Variants in CHD7 observed in about 807,000 individuals in gnomAD.
CHD7 encodes the protein ATP-dependent chromatin remodeler CHD7.
In CHD7, 24 loss-of-function variants were observed where a neutral mutation model predicts 307.3. The observed-to-expected ratio is 0.08, with a 90% CI of 0.06 to 0.11. The LOEUF (loss-of-function observed/expected upper bound fraction) is 0.11. CHD7 is among the 10% of genes least tolerant of loss of function. CHD7 has a pLI of 1.00. For missense variants in CHD7, 3,106 were observed against 3,727.1 expected (o/e 0.83, Z 4.34); for synonymous variants, 1,363 against 1,349.9 (o/e 1.01, Z -0.21).
chr8:60,734,971 A>G (rs1808628762), intron 1 of CHD7, among the ~76,000 whole-genome samples: 1 of 152,246 alleles, frequency 6.6e-6, no homozygotes, highest in South Asian at 2.1e-4. Context: ...GTGGTTCACT[A>G]AACCATGAAG....
chr8:60,775,506 A>G (rs1810909130), intron 2 of CHD7, among the ~76,000 whole-genome samples: 1 of 152,238 alleles, frequency 6.6e-6, no homozygotes, highest in Non-Finnish European at 1.5e-5. Flanking sequence ...TTTGAGAAAG[A>G]CAGATGGACA....
intron 2 of CHD7, among the ~76,000 whole-genome samples, chr8:60,751,071 A>C (rs1809618850): frequency 1.3e-5 from 2 of 152,204 alleles, no homozygotes; most frequent in South Asian, 4.1e-4. Context: ...AAGGCTACAT[A>C]AATGGTGTTT....
At chr8:60,810,392 T>A (rs1036371016) in intron 7 of CHD7, among the ~76,000 whole-genome samples, 29 of 151,898 alleles carry the variant, frequency 1.9e-4, no homozygotes, top group Admixed American at 1.9e-3. Context: ...TGTGTGTGTG[T>A]GTGTGTGTGT....
chr8:60,764,212 A>G (rs1810361586), intron 2 of CHD7, among the ~76,000 whole-genome samples: 1 of 152,122 alleles, frequency 6.6e-6, no homozygotes, highest in African/African-American at 2.4e-5. Context: ...GGTGGTCTCA[A>G]TCTCCTGACC....
At position 60,767,416 on chromosome 8, in the gene CHD7, A is replaced by G. The variant is rs767601204; in HGVS notation, c.1666-13584A>G. ...GTTGGTAGGTCACTTTGGAGGAGAT[A>G]GCTATTTAAATTAGTCCTTGAGGCA... is the stretch of plus-strand genomic sequence containing the variant. On this transcript the variant is annotated intron_variant, in intron 2 of 37. Transcript: ENST00000423902. 1.2e-3 allele frequency among the ~76,000 whole-genome samples: 189 copies of G among 152,172 alleles called. 3 individuals carry two copies. Among genetic ancestry groups the G allele is most frequent in the Non-Finnish European group, 1.6e-3 (110 of 68,022 alleles).
intron 21 of CHD7, among the ~76,000 whole-genome samples, chr8:60,842,888 G>A (rs1346361996): frequency 1.3e-5 from 2 of 152,226 alleles, no homozygotes; most frequent in Non-Finnish European, 2.9e-5. Flanking sequence ...TAGGACAGAC[G>A]GCTTCATCTC....
At chr8:60,766,294 G>C (rs184744259) in intron 2 of CHD7, among the ~76,000 whole-genome samples, 33 of 152,342 alleles carry the variant, frequency 2.2e-4, no homozygotes, top group East Asian at 1.5e-3. Flanking sequence ...TGAGAGAAAG[G>C]GGGGGAATTA....
intron 2 of CHD7, among the ~76,000 whole-genome samples, chr8:60,760,789 A>G (rs1162133768): frequency 4.0e-5 from 6 of 151,740 alleles, no homozygotes; most frequent in Admixed American, 6.6e-5. Flanking sequence ...CAAAACCACA[A>G]TGAGATACCA....
At chr8:60,724,616 T>C (rs1318045962) in intron 1 of CHD7, among the ~76,000 whole-genome samples, 2 of 152,188 alleles carry the variant, frequency 1.3e-5, no homozygotes, top group Non-Finnish European at 2.9e-5. Flanking sequence ...CAGATCTAGT[T>C]GGCTTTTTAC....
At chr8:60,746,564 C>A (rs1809340948) in intron 2 of CHD7, among the ~76,000 whole-genome samples, 1 of 152,150 alleles carries the variant, frequency 6.6e-6, no homozygotes, top group African/African-American at 2.4e-5. Context: ...GTTGAAATGT[C>A]CATTTAACTT....
chr8:60,681,149 A>G (rs963988368), intron 1 of CHD7, among the ~76,000 whole-genome samples: 2 of 152,210 alleles, frequency 1.3e-5, no homozygotes, highest in African/African-American at 4.8e-5. Flanking sequence ...ATGACAAAAA[A>G]TATCTTAGTG....
intron 1 of CHD7, among the ~76,000 whole-genome samples, chr8:60,717,163 G>C (rs1458879371): frequency 6.6e-6 from 1 of 152,018 alleles, no homozygotes; most frequent in Non-Finnish European, 1.5e-5. Flanking sequence ...CTTGGTAAAG[G>C]TGAGTTATTC....
chr8:60,789,969 G>A (rs1051904351), intron 3 of CHD7, among the ~76,000 whole-genome samples: 9 of 152,184 alleles, frequency 5.9e-5, no homozygotes, highest in Admixed American at 2.6e-4. Flanking sequence ...GGGGGTGATT[G>A]CAGAACTTAA....
intron 1 of CHD7, among the ~76,000 whole-genome samples, chr8:60,716,567 G>A (rs1432969636): frequency 2.0e-5 from 3 of 152,142 alleles, no homozygotes; most frequent in Non-Finnish European, 1.5e-5. Flanking sequence ...TATCTTCCCT[G>A]TGAGGCAGTC....
chr8:60,746,977 C>T (rs538703176), intron 2 of CHD7, among the ~76,000 whole-genome samples: 1 of 152,224 alleles, frequency 6.6e-6, no homozygotes, highest in Non-Finnish European at 1.5e-5. Context: ...TTAAAAATTA[C>T]TGGGGACTCC....
At chr8:60,757,383 C>T (rs900859028) in intron 2 of CHD7, among the ~76,000 whole-genome samples, 1 of 152,176 alleles carries the variant, frequency 6.6e-6, no homozygotes, top group Admixed American at 6.5e-5. Flanking sequence ...AGTCTTCAAA[C>T]TTTTTTGTCT....
At chr8:60,759,736 A>T (rs1300067869) in intron 2 of CHD7, among the ~76,000 whole-genome samples, 2 of 152,164 alleles carry the variant, frequency 1.3e-5, no homozygotes, top group African/African-American at 4.8e-5. Flanking sequence ...TATGGGATTT[A>T]AAAATTCTCT....
At chr8:60,830,982 A>C (rs902258295) in intron 15 of CHD7, among the ~76,000 whole-genome samples, 13 of 152,204 alleles carry the variant, frequency 8.5e-5, no homozygotes, top group African/African-American at 3.1e-4. Flanking sequence ...AGCTGTCTCA[A>C]GCCTTTGATA....
intron 1 of CHD7, among the ~76,000 whole-genome samples, chr8:60,706,216 A>AT (rs960730879): frequency 1.8e-4 from 27 of 151,928 alleles, no homozygotes; most frequent in South Asian, 8.3e-4. Flanking sequence ...GCTGATTCAT[A>AT]TTTTTTTTGT....
Sources: gnomAD v4.1 joint callset for allele counts (sites outside exome capture counted in the v4.1 genomes callset) on GRCh38, gnomAD v4.1.1 for gene constraint, MANE v1.5 for transcripts, NCBI Gene and HGNC (gene_info 2026-07-23, HGNC 2026-07-21) for gene names.